The following GMDS variants were observed in gnomAD, a reference collection of about 807,000 sequenced individuals.
GMDS encodes the protein GDP-mannose 4,6-dehydratase.
GMDS carries 20 observed loss-of-function variants against 49.9 expected under a neutral mutation model. That is an observed-to-expected ratio of 0.40 (90% CI 0.28 to 0.58). GMDS has a LOEUF of 0.58. GMDS is among the 20% of genes least tolerant of loss of function. GMDS has a pLI of 0.42. For synonymous variants in GMDS, 177 were observed against 178.6 expected, an observed-to-expected ratio of 0.99 and a Z score of 0.07; for missense variants, 362 against 481.4, an observed-to-expected ratio of 0.75 and a Z score of 2.32.
intron 4 of GMDS, among the ~76,000 whole-genome samples, chr6:2,053,440 G>A (rs530009269): frequency 5.4e-4 from 82 of 152,192 alleles, no homozygotes; most frequent in Non-Finnish European, 9.6e-4. Context: ...ACACAATGCA[G>A]CCTAGAATGA....
chr6:1,829,432 G>T (rs1771258486), intron 7 of GMDS, among the ~76,000 whole-genome samples: 4 of 152,162 alleles, frequency 2.6e-5, no homozygotes, highest in Non-Finnish European at 4.4e-5. Context: ...CACCCAATTT[G>T]TTTTGTTTGT....
chr6:1,704,845 C>T (rs551850361), intron 9 of GMDS, among the ~76,000 whole-genome samples: 56 of 120,234 alleles, frequency 4.7e-4, no homozygotes, highest in Non-Finnish European at 7.0e-4. Context: ...ATTGTTTTGG[C>T]GGCGGTGGAG....
intron 1 of GMDS, among the ~76,000 whole-genome samples, chr6:2,151,578 T>A (rs1224177632): frequency 6.6e-6 from 1 of 152,068 alleles, no homozygotes; most frequent in Non-Finnish European, 1.5e-5. Flanking sequence ...AAGCTCTTAG[T>A]GTAACCTATT....
chr6:1,884,374 T>C (rs751214346), intron 7 of GMDS, among the ~76,000 whole-genome samples: 4 of 152,236 alleles, frequency 2.6e-5, no homozygotes, highest in Non-Finnish European at 5.9e-5. Flanking sequence ...GAGGAAATGA[T>C]GTAGCGTTAA....
intron 7 of GMDS, among the ~76,000 whole-genome samples, chr6:1,787,572 T>C (rs1769372761): frequency 6.6e-6 from 1 of 152,232 alleles, no homozygotes; most frequent in South Asian, 2.1e-4. Flanking sequence ...TTGACTCTTT[T>C]TTAAACAACA....
chr6:2,232,422 T>C (rs553632232), intron 1 of GMDS, among the ~76,000 whole-genome samples: 3 of 152,326 alleles, frequency 2.0e-5, no homozygotes, highest in Non-Finnish European at 2.9e-5. Flanking sequence ...TCAGCACTTA[T>C]GGCCCATGAA....
intron 9 of GMDS, among the ~76,000 whole-genome samples, chr6:1,685,010 TC>T (rs1266216581): frequency 2.7e-5 from 3 of 111,488 alleles, no homozygotes; most frequent in East Asian, 4.3e-4. Context: ...GCTCCCTCTC[TC>T]CCCCCCCTTT....
chr6:2,069,802 A>C (rs1453522698), intron 4 of GMDS, among the ~76,000 whole-genome samples: 1 of 152,028 alleles, frequency 6.6e-6, no homozygotes, highest in Non-Finnish European at 1.5e-5. Flanking sequence ...AAATAGGAAC[A>C]CTTTTACACT....
At chr6:2,013,690 C>CTCAA (rs1561974775) in intron 4 of GMDS, among the ~76,000 whole-genome samples, 1 of 151,674 alleles carries the variant, frequency 6.6e-6, no homozygotes, top group Non-Finnish European at 1.5e-5. Flanking sequence ...AGTCAGTGAG[C>CTCAA]TTGAAGATAT....
intron 1 of GMDS, among the ~76,000 whole-genome samples, chr6:2,173,386 C>T (rs1028673137): frequency 4.6e-5 from 7 of 152,274 alleles, no homozygotes; most frequent in Admixed American, 1.3e-4. Context: ...TTTAGGCCAC[C>T]TGCACCCAGC....
At chr6:2,093,656 T>C (rs1773441147) in intron 4 of GMDS, among the ~76,000 whole-genome samples, 2 of 152,148 alleles carry the variant, frequency 1.3e-5, no homozygotes, top group African/African-American at 4.8e-5. Context: ...CAATGAAATG[T>C]TGCTTATTGC....
intron 9 of GMDS, among the ~76,000 whole-genome samples, chr6:1,650,234 C>T (rs1763610329): frequency 1.3e-5 from 2 of 152,080 alleles, no homozygotes; most frequent in Admixed American, 1.3e-4. Flanking sequence ...CAGCCGTGAG[C>T]CCAGCAAAGA....
intron 9 of GMDS, among the ~76,000 whole-genome samples, chr6:1,693,113 C>A (rs1765230789): frequency 6.6e-6 from 1 of 152,204 alleles, no homozygotes; most frequent in Non-Finnish European, 1.5e-5. Context: ...TTCTAAGAGG[C>A]AAGACCCTTC....
intron 1 of GMDS, among the ~76,000 whole-genome samples, chr6:2,180,251 C>G (rs1221931258): frequency 1.3e-5 from 2 of 152,174 alleles, no homozygotes; most frequent in African/African-American, 2.4e-5. Context: ...TGAAGGATGT[C>G]AAGATCTCAA....
rs1763125194 is a variant in GMDS at position 1,635,703 on chromosome 6, G to C, written c.988-11163C>G. Among the ~76,000 whole-genome samples, 1 of 152,206 alleles carries C rather than the reference G, an allele frequency of 6.6e-6. No homozygotes were observed. Among genetic ancestry groups the C allele is most frequent in the Non-Finnish European group, 1.5e-5 (1 of 68,034 alleles). ...CCCTCAAGTCTGCAGATGCAAACGA[G>C]AGCCTGGTTCATACTCTGCCAACTT... On this transcript the variant is annotated intron_variant, in intron 9 of 10. Coordinates refer to ENST00000380815, the MANE Select transcript of GMDS (RefSeq NM_001500.4). This position sits in a 1 kb window ranked among gnomAD's most constrained non-coding sequence, Gnocchi z 4.7.
chr6:1,948,385 T>C (rs962669842), intron 6 of GMDS, among the ~76,000 whole-genome samples: 1 of 152,198 alleles, frequency 6.6e-6, no homozygotes, highest in African/African-American at 2.4e-5. Context: ...TTTTTGTTAG[T>C]CTAGTCACAA....
intron 1 of GMDS, among the ~76,000 whole-genome samples, chr6:2,223,136 GCT>G (rs1275964333): frequency 5.4e-5 from 8 of 148,580 alleles, no homozygotes; most frequent in South Asian, 2.2e-4. Flanking sequence ...TCAATAGCGC[GCT>G]CTCTCTCTCT....
Position 2,021,167 on chromosome 6 carries a change from A to G in GMDS, c.346-60201T>C, listed in dbSNP as rs546397569. Among the ~76,000 whole-genome samples the G allele has an allele frequency of 2.0e-5, 3 of 152,332 alleles. No homozygotes were observed. In the South Asian group the frequency reaches 6.2e-4, roughly 32 times the overall value. ...GCAGGTTTCTGCCTGTAGTGATTCT[A>G]TTTGATGAATCATTTGCTTTTAAGT... On this transcript the variant is annotated intron_variant, in intron 4 of 10. Transcript: ENST00000380815.
At chr6:2,034,603 T>C (rs1204252710) in intron 4 of GMDS, among the ~76,000 whole-genome samples, 1 of 152,180 alleles carries the variant, frequency 6.6e-6, no homozygotes, top group Non-Finnish European at 1.5e-5. Flanking sequence ...TAACATTCCT[T>C]TTTACCTCTG....
Sources: gnomAD v4.1 joint callset for allele counts (sites outside exome capture counted in the v4.1 genomes callset) on GRCh38, gnomAD v4.1.1 for gene constraint, Gnocchi (gnomAD v3.1) non-coding constraint, MANE v1.5 for transcripts, NCBI Gene and HGNC (gene_info 2026-07-23, HGNC 2026-07-21) for gene names.